IKBKB: variants seen among roughly 807,000 people sequenced by gnomAD.
IKBKB encodes the protein inhibitor of nuclear factor kappa-B kinase subunit beta.
IKBKB carries 42 observed loss-of-function variants against 113.6 expected under a neutral mutation model. That is an observed-to-expected ratio of 0.37 (90% CI 0.29 to 0.48). The LOEUF (loss-of-function observed/expected upper bound fraction) is 0.48, where lower values mean the gene tolerates loss of function less well. IKBKB is among the 20% of genes least tolerant of loss of function. The pLI, the probability that IKBKB is intolerant of heterozygous loss-of-function variation, is 0.99. For missense variants in IKBKB, 673 were observed against 939.7 expected (o/e 0.72, Z 3.71); for synonymous variants, 296 against 361.3 (o/e 0.82, Z 2.05).
In IKBKB at chr8:42,322,431, G is replaced by A; in HGVS notation, c.1923G>A (p.Lys641=). ...TGAGCTTAATGAATGAGGATGAGAAGACTGTTGTCCGGCTGCAGGAGAAGC... is the reference window on the plus strand; with the variant it reads ...TGAGCTTAATGAATGAGGATGAGAAAACTGTTGTCCGGCTGCAGGAGAAGC... ...EVVSLMNEDE[K]TVVRLQEKRQ... The change falls in exon 19 of 22, where the codon AAG becomes AAA. Residue 641 remains lysine, a synonymous_variant. Transcript: ENST00000520810. 3 of 1,614,060 alleles carry A rather than the reference G, an allele frequency of 1.9e-6. No homozygotes were observed. The highest frequency in any genetic ancestry group is 2.5e-6 in the Non-Finnish European group (3 of 1,180,030).
chr8:42,284,391 G>C (rs553585170), intron 2 of IKBKB, among the ~76,000 whole-genome samples: 1 of 152,194 alleles, frequency 6.6e-6, no homozygotes, highest in African/African-American at 2.4e-5. Context: ...GACCATCGTG[G>C]CTAACATGGT....
intron 5 of IKBKB, among the ~76,000 whole-genome samples, 190 bp from the exon 6 acceptor site, chr8:42,304,997 G>A (rs756856411): frequency 3.3e-5 from 5 of 152,354 alleles, no homozygotes; most frequent in Non-Finnish European, 7.3e-5. Flanking sequence ...AGTGCTTTGC[G>A]CAAGTAAGCC....
intron 8 of IKBKB, chr8:42,314,043 A>AT (rs1818216740): frequency 2.7e-6 from 1 of 375,900 alleles, no homozygotes; most frequent in Non-Finnish European, 4.9e-6. Context: ...ATAATACTGT[A>AT]TTTTTACTGT....
chr8:42,316,236 G>A lies in IKBKB; in HGVS notation c.827G>A (p.Trp276Ter). The change falls in exon 10 of 22, where the codon TGG becomes TAG. Residue 276 changes from tryptophan to a stop codon, truncating the protein, a stop_gained. Coordinates refer to ENST00000520810, the MANE Select transcript of IKBKB (RefSeq NM_001556.3). LOFTEE classifies it high-confidence loss of function. The surrounding 1 kb of genome is among the most constrained non-coding windows in gnomAD (Gnocchi z 4.5). ...NSVLAERLEK[W>*]LQLMLMWHPR... Reference sequence around the variant, plus strand: ...GTCCTGGCTGAGCGACTGGAGAAGTGGCTGCAACTGATGCTGATGTGGCAC... The same window carrying A: ...GTCCTGGCTGAGCGACTGGAGAAGTAGCTGCAACTGATGCTGATGTGGCAC... 6.2e-7 allele frequency: 1 copy of A among 1,614,164 alleles called. No homozygotes were observed. The highest frequency in any genetic ancestry group is 1.1e-5 in the South Asian group (1 of 91,082).
intron 21 of IKBKB, 199 bp downstream of exon 21, chr8:42,329,413 C>T: frequency 1.0e-6 from 1 of 980,414 alleles, no homozygotes; most frequent in South Asian, 2.8e-5. Flanking sequence ...ACCTCCGCTT[C>T]CCGGGTTCAA....
intron 5 of IKBKB, 61 bp downstream of exon 5, chr8:42,293,573 G>T (rs1813098594): frequency 6.2e-7 from 1 of 1,613,560 alleles, no homozygotes; most frequent in African/African-American, 1.3e-5. Flanking sequence ...GCCCCTGTGA[G>T]TCCCTGCGGA....
chr8:42,274,460 C>A (rs1010026105), intron 2 of IKBKB, among the ~76,000 whole-genome samples: 2 of 151,942 alleles, frequency 1.3e-5, no homozygotes, highest in Admixed American at 1.3e-4. Context: ...CAACTCCCCC[C>A]ACCCCCACCA....
intron 8 of IKBKB, among the ~76,000 whole-genome samples, chr8:42,311,531 A>T (rs1206617041): frequency 7.0e-6 from 1 of 143,136 alleles, no homozygotes; most frequent in Non-Finnish European, 1.5e-5. Flanking sequence ...GTTGCACTTC[A>T]GTCTGGGCAA....
At chr8:42,303,065 GAGA>G (rs1815635707) in intron 5 of IKBKB, among the ~76,000 whole-genome samples, 1 of 109,454 alleles carries the variant, frequency 9.1e-6, no homozygotes, top group African/African-American at 5.2e-5. Context: ...GAGAGGGAGA[GAGA>G]GAGAGAGAGA....
intron 2 of IKBKB, among the ~76,000 whole-genome samples, chr8:42,284,607 G>A (rs915494336): frequency 1.3e-5 from 2 of 151,612 alleles, no homozygotes; most frequent in African/African-American, 4.8e-5. Context: ...ATACCGAGGT[G>A]ATACTGCTAC....
Position 42,316,201 on chromosome 8 carries a change from T to C in IKBKB, c.801-9T>C. ...AGTGTCTCCTCACACACTATGCTCC[T>C]CTCCACAGTGTCCTGGCTGAGCGAC... On this transcript the variant is annotated splice_polypyrimidine_tract_variant and intron_variant, in intron 9 of 21. Transcript: ENST00000520810. This position sits in a 1 kb window ranked among gnomAD's most constrained non-coding sequence, Gnocchi z 4.5. 6.2e-7 allele frequency: 1 copy of C among 1,613,820 alleles called. No individual in the cohort carries two copies. Among genetic ancestry groups the C allele is most frequent in the Non-Finnish European group, 8.5e-7 (1 of 1,179,886 alleles).
Position 42,316,749 on chromosome 8 carries a change from A to G in IKBKB, c.970A>G (p.Thr324Ala). 1 of 1,614,058 alleles carries G rather than the reference A, an allele frequency of 6.2e-7. No individual in the cohort carries two copies. The highest frequency in any genetic ancestry group is 8.5e-7 in the Non-Finnish European group (1 of 1,179,994). Residue 324 changes from threonine to alanine, a missense_variant, in exon 11 of 22, where the codon ACC (threonine) becomes GCC (alanine). Thr to Ala is a moderately conservative substitution (Grantham distance 58). This residue lies in a region of IKBKB where 506 missense variants were observed against 638.7 expected (regional missense o/e 0.79). Transcript: ENST00000520810. The surrounding 1 kb of genome is among the most constrained non-coding windows in gnomAD (Gnocchi z 4.5). Reference sequence around the variant, plus strand: ...GAACATGGTCACGGGCACCATCCACACCTACCCTGTGACAGAGGATGAGAG... The same window carrying G: ...GAACATGGTCACGGGCACCATCCACGCCTACCCTGTGACAGAGGATGAGAG... ...ILNMVTGTIH[T>A]YPVTEDESLQ... is the part of the protein sequence containing the mutation.
At position 42,319,129 on chromosome 8, in the gene IKBKB, A is replaced by C. The variant is rs1335588171; in HGVS notation, c.1365-141A>C. ...GCTAGGAAATTGTCCTTGGGTTATA[A>C]GTGGCTGCTATAATAATAGTGATGA... On this transcript the variant is annotated intron_variant, in intron 13 of 21. Transcript: ENST00000520810. 6.6e-6 allele frequency: 5 copies of C among 753,100 alleles called. No homozygotes were observed. The East Asian group carries it at 1.0e-4, about 15-fold the overall frequency. 46.7% of individuals were successfully genotyped at this position (753,100 alleles called of 1,614,324 possible).
At chr8:42,273,203 G>A (rs886928307) in intron 2 of IKBKB, among the ~76,000 whole-genome samples, 2 of 151,978 alleles carry the variant, frequency 1.3e-5, no homozygotes, top group African/African-American at 4.8e-5. Context: ...GATCACTTGA[G>A]GTCAGGAGTT....
intron 16 of IKBKB, 43 bp downstream of exon 16, chr8:42,320,887 G>C (rs1485013086): frequency 3.9e-6 from 5 of 1,296,272 alleles, no homozygotes; most frequent in Admixed American, 2.1e-5. Flanking sequence ...AGCACACACA[G>C]ACAGCCCTGG....
chr8:42,310,509 G>A (rs755835555), intron 8 of IKBKB, among the ~76,000 whole-genome samples: 4 of 152,026 alleles, frequency 2.6e-5, no homozygotes, highest in African/African-American at 7.2e-5. Context: ...ATCTGAACAC[G>A]GTCCTGCACA....
intron 8 of IKBKB, among the ~76,000 whole-genome samples, chr8:42,310,517 A>C (rs1585727709): frequency 6.6e-6 from 1 of 152,212 alleles, no homozygotes; most frequent in Non-Finnish European, 1.5e-5. Flanking sequence ...ACGGTCCTGC[A>C]CATGCTTTCA....
At chr8:42,280,631 G>A (rs925464656) in intron 2 of IKBKB, among the ~76,000 whole-genome samples, 1 of 152,146 alleles carries the variant, frequency 6.6e-6, no homozygotes, top group African/African-American at 2.4e-5. Context: ...TGGCTGGGCA[G>A]GATGTGGGTC....
Position 42,316,982 on chromosome 8 carries a change from C to A in IKBKB, c.1125+78C>A. On this transcript the variant is annotated intron_variant, in intron 11 of 21. Transcript: ENST00000520810. This position sits in a 1 kb window ranked among gnomAD's most constrained non-coding sequence, Gnocchi z 4.5. ...GGAAACTCAACACACTTTCAGATTTCAATTCTGCTTTGTCATGTAGTCTGT... is the reference window on the plus strand; with the variant it reads ...GGAAACTCAACACACTTTCAGATTTAAATTCTGCTTTGTCATGTAGTCTGT... 4 of 1,345,906 alleles carry A rather than the reference C, an allele frequency of 3.0e-6. No homozygotes were observed. The highest frequency in any genetic ancestry group is 3.1e-6 in the Non-Finnish European group (3 of 956,460). 83.4% of individuals were successfully genotyped at this position (1,345,906 alleles called of 1,614,324 possible). A position where few individuals can be genotyped will look rare whatever the true frequency, so the allele number is the denominator to read the frequency against.
Sources: allele counts gnomAD v4.1 joint callset (sites outside exome capture counted in the v4.1 genomes callset), GRCh38; gene constraint gnomAD v4.1.1; regional missense constraint gnomAD v4.1.1; non-coding constraint Gnocchi (gnomAD v3.1); transcripts MANE v1.5; gene names NCBI Gene and HGNC (gene_info 2026-07-23, HGNC 2026-07-21).